Variants in WDR37 observed in about 807,000 individuals in gnomAD.
WDR37 encodes the protein WD repeat domain 37.
Under a neutral mutation model 62.9 loss-of-function variants are expected in WDR37, and 19 were observed. That is an observed-to-expected ratio of 0.30 (90% CI 0.21 to 0.44). The LOEUF is 0.44. Ranked by LOEUF, WDR37 falls within the 20% of genes least tolerant of loss-of-function variation. The probability of loss-of-function intolerance (pLI) is 1.00; values close to 1 mark genes in which losing one functional copy is unlikely to be tolerated. For missense variants in WDR37, 474 were observed against 657.6 expected (o/e 0.72, Z 3.05); for synonymous variants, 250 against 260.9 (o/e 0.96, Z 0.40).
intron 13 of WDR37, among the ~76,000 whole-genome samples, chr10:1,126,014 G>T (rs372817096): frequency 6.4e-4 from 97 of 152,292 alleles, no homozygotes; most frequent in Non-Finnish European, 1.2e-3. Context: ...TGGCGGCTCT[G>T]CTGTGCTCTG....
intron 1 of WDR37, among the ~76,000 whole-genome samples, chr10:1,071,659 A>C (rs1833731631): frequency 6.6e-6 from 1 of 152,366 alleles, no homozygotes; most frequent in South Asian, 2.1e-4. Flanking sequence ...TATTGGGTTA[A>C]GTAAATCATT....
At chr10:1,081,028 T>A (rs1258999618) in intron 5 of WDR37, among the ~76,000 whole-genome samples, 1 of 152,212 alleles carries the variant, frequency 6.6e-6, no homozygotes, top group Non-Finnish European at 1.5e-5. Flanking sequence ...ATATAATTTC[T>A]CTTGTTAATT....
Position 1,065,860 on chromosome 10 carries a change from C to A in WDR37, c.-40-6256C>A, listed in dbSNP as rs575313328. On this transcript the variant is annotated intron_variant, in intron 1 of 13. Transcript: ENST00000263150. The stretch of plus-strand genomic sequence containing the variant: ...TAAGGTAGTAAAAGGAAATAGAAGG[C>A]TTACAAACCACAAAGGAAGAAATAA... Among the ~76,000 whole-genome samples the A allele has an allele frequency of 1.1e-4, 17 of 151,646 alleles. No homozygotes were observed. The East Asian group carries it at 2.9e-3, about 26-fold the overall frequency.
At position 1,111,913 on chromosome 10, in the gene WDR37, T is replaced by G. The variant is rs531851258; in HGVS notation, c.1103+6646T>G. On this transcript the variant is annotated intron_variant, in intron 11 of 13. Coordinates refer to ENST00000263150, the MANE Select transcript of WDR37 (RefSeq NM_014023.4). ...GCTATTTCTCTCTCTCTCTTTTTTT[T>G]TTTTGTGAGACGGAGTCTCGCTCTG... Among the ~76,000 whole-genome samples the G allele has an allele frequency of 2.8e-3, 423 of 152,290 alleles. 1 individual carries two copies. Among genetic ancestry groups the G allele is most frequent in the African/African-American group, 9.3e-3 (387 of 41,568 alleles).
Position 1,105,068 on chromosome 10 carries a change from C to T in WDR37, c.962-58C>T, listed in dbSNP as rs1834960675. 14 of 1,590,520 alleles carry T rather than the reference C, an allele frequency of 8.8e-6. No homozygotes were observed. Among genetic ancestry groups the T allele is most frequent in the Admixed American group, 5.1e-5 (3 of 59,038 alleles). On this transcript the variant is annotated intron_variant, in intron 10 of 13. Coordinates refer to ENST00000263150, the MANE Select transcript of WDR37 (RefSeq NM_014023.4). This position sits in a 1 kb window ranked among gnomAD's most constrained non-coding sequence, Gnocchi z 5.3. ...CTTGGGTTCTTGTGCTGTTGAAAAG[C>T]GTCTCTCTCAGCGTGCTCCTCAGGT...
intron 13 of WDR37, among the ~76,000 whole-genome samples, chr10:1,128,704 CTCA>C (rs1487363728): frequency 3.3e-5 from 5 of 152,208 alleles, no homozygotes; most frequent in African/African-American, 1.2e-4. Flanking sequence ...TAAAGAAGGA[CTCA>C]TACAGTGCTT....
chr10:1,074,398 C>G (rs547029825), intron 2 of WDR37: 2 of 1,299,688 alleles, frequency 1.5e-6, no homozygotes, highest in African/African-American at 3.0e-5. Context: ...CCAAGCCGCA[C>G]GGCCTCGTCC....
At position 1,105,638 on chromosome 10, in the gene WDR37, C is replaced by T. The variant is rs1020390260; in HGVS notation, c.1103+371C>T. Among the ~76,000 whole-genome samples the T allele has an allele frequency of 6.6e-6, 1 of 152,180 alleles. No individual in the cohort carries two copies. On this transcript the variant is annotated intron_variant, in intron 11 of 13. Transcript: ENST00000263150. The surrounding 1 kb of genome is among the most constrained non-coding windows in gnomAD (Gnocchi z 5.3). ...GTTACTCCTACCCACGGGGTGTCTC[C>T]TGGATCTTTTCCATCTAGTTTTTGT...
At chr10:1,112,545 G>A (rs1456225500) in intron 11 of WDR37, among the ~76,000 whole-genome samples, 1 of 152,236 alleles carries the variant, frequency 6.6e-6, no homozygotes, top group Non-Finnish European at 1.5e-5. Flanking sequence ...TGAGGAAGAT[G>A]TGTCGAAGGC....
intron 11 of WDR37, among the ~76,000 whole-genome samples, chr10:1,107,786 G>T (rs1048171887): frequency 1.4e-5 from 2 of 147,020 alleles, no homozygotes; most frequent in African/African-American, 5.1e-5. Context: ...ACCTAGGTTC[G>T]CCTGTTGTAT....
chr10:1,058,919 A>G (rs1328880513), intron 1 of WDR37, among the ~76,000 whole-genome samples: 1 of 152,256 alleles, frequency 6.6e-6, no homozygotes, highest in African/African-American at 2.4e-5. Flanking sequence ...TGCCACATGG[A>G]CATTATATTC....
chr10:1,084,255 T>C (rs1489132558), intron 5 of WDR37, 148 bp from the exon 6 acceptor site: 2 of 1,071,042 alleles, frequency 1.9e-6, no homozygotes, highest in Non-Finnish European at 1.3e-6. Context: ...GCGTTTCAGC[T>C]CACACTTGCG....
At chr10:1,096,116 C>T (rs568195057) in intron 8 of WDR37, 54 bp from the exon 9 acceptor site, 9 of 1,563,956 alleles carry the variant, frequency 5.8e-6, no homozygotes, top group Admixed American at 3.3e-5. Flanking sequence ...CGGTGAAGAG[C>T]GCATTTTACC....
At chr10:1,064,994 A>G (rs761715594) in intron 1 of WDR37, among the ~76,000 whole-genome samples, 3 of 152,166 alleles carry the variant, frequency 2.0e-5, no homozygotes, top group Non-Finnish European at 4.4e-5. Context: ...AGAATTTTAT[A>G]TCAAGTGAAA....
At chr10:1,113,757 C>T (rs953502728) in intron 11 of WDR37, among the ~76,000 whole-genome samples, 2 of 152,134 alleles carry the variant, frequency 1.3e-5, no homozygotes, top group East Asian at 3.9e-4. Flanking sequence ...TTTGAATGGA[C>T]GAGGAACTGC....
At chr10:1,069,389 A>ATATATATATATATATATAT in intron 1 of WDR37, among the ~76,000 whole-genome samples, 3 of 95,806 alleles carry the variant, frequency 3.1e-5, no homozygotes, top group African/African-American at 9.4e-5. Flanking sequence ...ATATATATAT[A>ATATATATATATATATATAT]TTTTTTTTTT....
chr10:1,119,610 T>C (rs1157635850), intron 11 of WDR37, among the ~76,000 whole-genome samples: 1 of 152,208 alleles, frequency 6.6e-6, no homozygotes, highest in Non-Finnish European at 1.5e-5. Flanking sequence ...GTGGTGCCTG[T>C]TGGCAGCACT....
chr10:1,090,039 T>G (rs554702147), intron 7 of WDR37, among the ~76,000 whole-genome samples: 2 of 152,344 alleles, frequency 1.3e-5, no homozygotes, highest in Non-Finnish European at 1.5e-5. Context: ...CAATCTTCAT[T>G]TGCTGCAACC....
intron 11 of WDR37, among the ~76,000 whole-genome samples, chr10:1,108,087 A>T (rs1204636884): frequency 6.6e-6 from 1 of 152,226 alleles, no homozygotes; most frequent in African/African-American, 2.4e-5. Flanking sequence ...TCCAGCATGC[A>T]TTTTCTAAGA....
Sources: gnomAD v4.1 joint callset for allele counts (sites outside exome capture counted in the v4.1 genomes callset) on GRCh38, gnomAD v4.1.1 for gene constraint, Gnocchi (gnomAD v3.1) non-coding constraint, MANE v1.5 for transcripts, NCBI Gene and HGNC (gene_info 2026-07-23, HGNC 2026-07-21) for gene names.